Variants in HS6ST1 observed in about 807,000 individuals in gnomAD.
The protein encoded by HS6ST1 is heparan sulfate 6-O-sulfotransferase 1, also known as heparan-sulfate 6-O-sulfotransferase 1.
Under a neutral mutation model 25.2 loss-of-function variants are expected in HS6ST1, and 3 were observed. The ratio of observed to expected loss-of-function variants is 0.12; its 90% CI spans 0.05 to 0.31. HS6ST1 has a LOEUF of 0.31. HS6ST1 is among the 10% of genes least tolerant of loss of function. The pLI, the probability that HS6ST1 is intolerant of heterozygous loss-of-function variation, is 1.00. For missense variants in HS6ST1, 310 were observed against 609.6 expected (o/e 0.51, Z 5.18); for synonymous variants, 204 against 275.1 (o/e 0.74, Z 2.56).
chr2:128,276,180 T>A (rs1413393661), intron 1 of HS6ST1, among the ~76,000 whole-genome samples: 1 of 152,160 alleles, frequency 6.6e-6, no homozygotes, highest in Non-Finnish European at 1.5e-5. Flanking sequence ...CAGGCTGGAG[T>A]GCAGTGGTGT....
chr2:128,295,008 C>CACCTGCCTCT (rs1434326228), intron 1 of HS6ST1, among the ~76,000 whole-genome samples: 1 of 152,158 alleles, frequency 6.6e-6, no homozygotes, highest in Admixed American at 6.5e-5. Flanking sequence ...CTTGGTTTTC[C>CACCTGCCTCT]TGTGTGGCAA....
chr2:128,306,076 C>T (rs1694202868), intron 1 of HS6ST1, among the ~76,000 whole-genome samples: 1 of 152,200 alleles, frequency 6.6e-6, no homozygotes, highest in South Asian at 2.1e-4. Context: ...GTTATTTAGG[C>T]TCTTTGAGTC....
At chr2:128,280,511 G>A (rs1693769266) in intron 1 of HS6ST1, among the ~76,000 whole-genome samples, 2 of 152,242 alleles carry the variant, frequency 1.3e-5, no homozygotes, top group Non-Finnish European at 1.5e-5. Context: ...CTGACCCAGT[G>A]CCGCAGCACC....
chr2:128,270,627 C>A (rs6756336), intron 1 of HS6ST1, among the ~76,000 whole-genome samples: 31,101 of 152,210 alleles, frequency 0.2, 4,064 homozygotes, highest in East Asian at 0.62. Flanking sequence ...CTCACGAGGC[C>A]CTGACTGCTC....
At chr2:128,301,503 A>C (rs999814047) in intron 1 of HS6ST1, among the ~76,000 whole-genome samples, 2 of 152,200 alleles carry the variant, frequency 1.3e-5, no homozygotes, top group Non-Finnish European at 2.9e-5. Context: ...AAAATTGCTC[A>C]GCTCTTAAAG....
At chr2:128,285,704 T>A (rs1693850955) in intron 1 of HS6ST1, among the ~76,000 whole-genome samples, 2 of 152,150 alleles carry the variant, frequency 1.3e-5, no homozygotes, top group Non-Finnish European at 2.9e-5. Flanking sequence ...TGGGGGTCCA[T>A]ACACTGTCTC....
chr2:128,306,428 C>T (rs1308517943), intron 1 of HS6ST1, among the ~76,000 whole-genome samples: 1 of 152,214 alleles, frequency 6.6e-6, no homozygotes, highest in Non-Finnish European at 1.5e-5. Flanking sequence ...GCCACGATGA[C>T]GCAAACAGAA....
At position 128,318,769 on chromosome 2, in the gene HS6ST1, T is replaced by TCCGCTCCCGCTCGGCC. The variant is rs1198662007; in HGVS notation, c.-222_-207dup. On this transcript the variant is annotated 5_prime_UTR_variant, in exon 1 of 2. Transcript: ENST00000259241. This position sits in a 1 kb window ranked among gnomAD's most constrained non-coding sequence, Gnocchi z 5.7. ...CGGCTCCCCGGGCCCGACGCCCGACTCCGCTCCCGCTCGGCCCCGCTCCCG... is the reference window on the plus strand; with the variant it reads ...CGGCTCCCCGGGCCCGACGCCCGACTCCGCTCCCGCTCGGCCCCGCTCCCGCTCGGCCCCGCTCCCG... Among the ~76,000 whole-genome samples the TCCGCTCCCGCTCGGCC allele has an allele frequency of 1.4e-5, 2 of 146,408 alleles. No individual in the cohort carries two copies. The highest frequency in any genetic ancestry group is 2.5e-5 in the African/African-American group (1 of 40,594).
rs373944145 is a variant in HS6ST1, at chr2:128,268,395, G to A, written c.1003C>T (p.Arg335Trp). The change falls in exon 2 of 2, where the codon CGG (arginine) becomes TGG (tryptophan). Residue 335 changes from arginine to tryptophan, a missense_variant. Physicochemically the swap from Arg to Trp is moderately radical, Grantham distance 101. Around this residue, in one of 5 missense-constraint regions of HS6ST1, gnomAD observed 140 missense variants for 176.5 expected, o/e 0.79. Transcript: ENST00000259241. ...GGVEVDEDTIRRIEELNDLDM... is the reference protein window; with the variant it reads ...GGVEVDEDTIWRIEELNDLDM... ...AGGTCGTTGAGCTCCTCGATGCGCC[G>A]GATGGTGTCTTCATCCACCTCCACG... 7.3e-5 allele frequency: 117 copies of A among 1,613,630 alleles called. No individual in the cohort carries two copies. Among genetic ancestry groups the A allele is most frequent in the Middle Eastern group, 1.7e-4 (1 of 6,050 alleles).
intron 1 of HS6ST1, among the ~76,000 whole-genome samples, chr2:128,284,604 A>G (rs889598701): frequency 8.0e-5 from 12 of 150,224 alleles, no homozygotes; most frequent in African/African-American, 3.0e-4. Flanking sequence ...GGGCTCAAGC[A>G]ATTCTCCTGC....
At chr2:128,283,862 T>C (rs989557760) in intron 1 of HS6ST1, among the ~76,000 whole-genome samples, 2 of 152,196 alleles carry the variant, frequency 1.3e-5, no homozygotes, top group Non-Finnish European at 2.9e-5. Context: ...TCTCTCCCAC[T>C]GCAAGCCTGG....
chr2:128,276,290 C>T (rs1573691579), intron 1 of HS6ST1, among the ~76,000 whole-genome samples: 1 of 152,278 alleles, frequency 6.6e-6, no homozygotes, highest in Admixed American at 6.5e-5. Flanking sequence ...TGCACCACCA[C>T]GTCCGGCTAA....
At chr2:128,288,871 T>C (rs1232574285) in intron 1 of HS6ST1, among the ~76,000 whole-genome samples, 1 of 151,744 alleles carries the variant, frequency 6.6e-6, no homozygotes, top group East Asian at 1.9e-4. Flanking sequence ...ACTGGGGGTG[T>C]CCCTGGGACC....
intron 1 of HS6ST1, among the ~76,000 whole-genome samples, chr2:128,293,989 G>T (rs1469344513): frequency 1.3e-5 from 2 of 152,182 alleles, no homozygotes; most frequent in African/African-American, 4.8e-5. Flanking sequence ...ACGCTGCAGG[G>T]ACACAGGGGC....
intron 1 of HS6ST1, among the ~76,000 whole-genome samples, chr2:128,278,394 TG>T (rs1446970629): frequency 6.6e-6 from 1 of 152,166 alleles, no homozygotes; most frequent in Non-Finnish European, 1.5e-5. Context: ...GTGGGAAGTC[TG>T]GGGCGGGCGA....
At position 128,279,185 on chromosome 2, in the gene HS6ST1, G is replaced by A. The variant is rs747307375; in HGVS notation, c.528-10315C>T. 5.2e-4 allele frequency among the ~76,000 whole-genome samples: 79 copies of A among 152,242 alleles called. No homozygotes were observed. In the Middle Eastern group the frequency reaches 0.017, roughly 33 times the overall value. On this transcript the variant is annotated intron_variant, in intron 1 of 1. Transcript: ENST00000259241. ...GCCCGAAGCTGATGGGGGTGCGGGG[G>A]TGGGTTCCATGAAACAAGGGTCTAA...
At chr2:128,290,148 C>T (rs1014377487) in intron 1 of HS6ST1, 3 of 151,698 alleles carry the variant, frequency 2.0e-5, no homozygotes, top group Non-Finnish European at 4.4e-5. Flanking sequence ...CAGTGGGTCT[C>T]GGTGAAAGGT....
chr2:128,292,106 T>A (rs538827415), intron 1 of HS6ST1, among the ~76,000 whole-genome samples: 1 of 151,908 alleles, frequency 6.6e-6, no homozygotes, highest in South Asian at 2.1e-4. Flanking sequence ...GTGAGGAGGG[T>A]GAACTGAGGC....
chr2:128,312,539 A>AC (rs1053607359), intron 1 of HS6ST1, among the ~76,000 whole-genome samples: 9 of 152,130 alleles, frequency 5.9e-5, no homozygotes, highest in African/African-American at 2.2e-4. Context: ...GGTGATGGGC[A>AC]CCCAGAGAGG....
Sources: gnomAD v4.1 joint callset for allele counts (sites outside exome capture counted in the v4.1 genomes callset) on GRCh38, gnomAD v4.1.1 for gene constraint, gnomAD v4.1.1 regional missense constraint, Gnocchi (gnomAD v3.1) non-coding constraint, MANE v1.5 for transcripts, NCBI Gene and HGNC (gene_info 2026-07-23, HGNC 2026-07-21) for gene names.